Variants in CPED1 observed in about 807,000 individuals in gnomAD.
CPED1 encodes the protein cadherin-like and PC-esterase domain-containing protein 1.
CPED1 carries 114 observed loss-of-function variants against 128.2 expected under a neutral mutation model. The ratio of observed to expected loss-of-function variants is 0.89; its 90% CI spans 0.76 to 1.04. The LOEUF (loss-of-function observed/expected upper bound fraction) is 1.04, where lower values mean the gene tolerates loss of function less well. Ranked by LOEUF, CPED1 falls within the 50% of genes least tolerant of loss-of-function variation. The pLI is 0.00. For synonymous variants in CPED1, 462 were observed against 426.7 expected (o/e 1.08, Z -1.02); for missense variants, 1,211 against 1,207.1 (o/e 1.00, Z -0.05).
intron 5 of CPED1, among the ~76,000 whole-genome samples, chr7:121,069,829 T>A (rs1164587230): frequency 6.6e-6 from 1 of 152,184 alleles, no homozygotes; most frequent in Non-Finnish European, 1.5e-5. Flanking sequence ...AGAACTGTTT[T>A]GCTTGGGCTG....
chr7:121,121,126 G>A (rs1453697701), intron 7 of CPED1, among the ~76,000 whole-genome samples: 1 of 152,072 alleles, frequency 6.6e-6, no homozygotes, highest in Non-Finnish European at 1.5e-5. Flanking sequence ...TAATGAGGCG[G>A]AACCCAGAAC....
At chr7:121,067,958 GTTGT>G (rs1793887462) in intron 5 of CPED1, among the ~76,000 whole-genome samples, 1 of 152,132 alleles carries the variant, frequency 6.6e-6, no homozygotes, top group African/African-American at 2.4e-5. Flanking sequence ...TTTCGATGGG[GTTGT>G]TTGTTTTTTT....
chr7:121,249,989 A>G (rs1466824721), intron 18 of CPED1, among the ~76,000 whole-genome samples: 1 of 152,128 alleles, frequency 6.6e-6, no homozygotes, highest in African/African-American at 2.4e-5. Flanking sequence ...CGTCTACAGA[A>G]CTCTCCACCC....
At chr7:121,225,225 A>G (rs1318930517) in intron 16 of CPED1, among the ~76,000 whole-genome samples, 1 of 152,090 alleles carries the variant, frequency 6.6e-6, no homozygotes, top group African/African-American at 2.4e-5. Context: ...TTTCTCCTTC[A>G]CTTATGAAGC....
chr7:121,266,564 A>G, intron 19 of CPED1, 117 bp downstream of exon 19: 1 of 1,184,848 alleles, frequency 8.4e-7, no homozygotes, highest in East Asian at 2.4e-5. Flanking sequence ...TTAGATACCA[A>G]GTAAGGCAGC....
At chr7:121,239,165 T>A (rs1366250605) in intron 17 of CPED1, among the ~76,000 whole-genome samples, 1 of 152,200 alleles carries the variant, frequency 6.6e-6, no homozygotes, top group African/African-American at 2.4e-5. Flanking sequence ...AAAGTTGATT[T>A]AGGAGCTCTG....
At chr7:121,031,044 C>A (rs542222316) in intron 3 of CPED1, among the ~76,000 whole-genome samples, 17 of 152,302 alleles carry the variant, frequency 1.1e-4, no homozygotes, top group African/African-American at 4.1e-4. Flanking sequence ...ATCATCAAAC[C>A]TGAGCTTTTA....
At chr7:121,159,967 A>G (rs940662254) in intron 16 of CPED1, among the ~76,000 whole-genome samples, 1 of 152,322 alleles carries the variant, frequency 6.6e-6, no homozygotes, top group East Asian at 1.9e-4. Flanking sequence ...GTTAAAATGC[A>G]TGATTACATT....
intron 16 of CPED1, among the ~76,000 whole-genome samples, chr7:121,213,554 A>T (rs993657024): frequency 6.6e-6 from 1 of 151,968 alleles, no homozygotes; most frequent in Non-Finnish European, 1.5e-5. Flanking sequence ...TTAAAGAGCG[A>T]ATGCTTGTAG....
chr7:121,251,382 A>G (rs2116707714), intron 18 of CPED1, among the ~76,000 whole-genome samples: 1 of 152,340 alleles, frequency 6.6e-6, no homozygotes, highest in African/African-American at 2.4e-5. Flanking sequence ...AAAAACTGGA[A>G]GCATTCCCTT....
intron 2 of CPED1, among the ~76,000 whole-genome samples, chr7:121,005,727 A>G (rs141220688): frequency 3.3e-5 from 5 of 152,320 alleles, no homozygotes; most frequent in Admixed American, 3.3e-4. Flanking sequence ...TACTTAAACT[A>G]TGTTAATTTT....
chr7:121,027,736 C>A (rs978333997), intron 3 of CPED1, among the ~76,000 whole-genome samples: 3 of 123,790 alleles, frequency 2.4e-5, no homozygotes, highest in South Asian at 2.8e-4. Flanking sequence ...TTAATTATAA[C>A]CTTTAGTAAT....
chr7:121,028,701 T>C (rs1792658411), intron 3 of CPED1, among the ~76,000 whole-genome samples: 1 of 152,186 alleles, frequency 6.6e-6, no homozygotes, highest in Admixed American at 6.5e-5. Context: ...TTGGCCTAGG[T>C]TGCATTGTCT....
chr7:121,216,282 G>A (rs1171823608), intron 16 of CPED1, among the ~76,000 whole-genome samples: 1 of 151,922 alleles, frequency 6.6e-6, no homozygotes, highest in Admixed American at 6.6e-5. Flanking sequence ...CAAAGTGTCT[G>A]CATGCCTTGT....
At chr7:121,226,813 C>T (rs1584613132) in intron 16 of CPED1, among the ~76,000 whole-genome samples, 1 of 152,010 alleles carries the variant, frequency 6.6e-6, no homozygotes, top group Non-Finnish European at 1.5e-5. Flanking sequence ...CTAATGTAAA[C>T]ATAAGCTAAT....
At chr7:121,205,883 AC>A (rs1797505530) in intron 16 of CPED1, among the ~76,000 whole-genome samples, 1 of 152,070 alleles carries the variant, frequency 6.6e-6, no homozygotes, top group Non-Finnish European at 1.5e-5. Context: ...TTCATTTATT[AC>A]CCTAAACAGG....
At chr7:121,065,573 TTAAG>T (rs1341993558) in intron 5 of CPED1, among the ~76,000 whole-genome samples, 1 of 152,124 alleles carries the variant, frequency 6.6e-6, no homozygotes, top group Non-Finnish European at 1.5e-5. Context: ...ATCCAGAACA[TTAAG>T]TTTCTTCAGC....
In CPED1 at chr7:121,037,023, G is replaced by C. The variant is rs1200100172; in HGVS notation, c.434-9864G>C. ...TCTTGCTGATTTGTTTGAGTTCCTT[G>C]TATTCTGGAAATTAGTACTCTGCTG... On this transcript the variant is annotated intron_variant, in intron 3 of 22. Transcript: ENST00000310396. Among the ~76,000 whole-genome samples, 5 of 151,952 alleles carry C rather than the reference G, an allele frequency of 3.3e-5. No individual in the cohort carries two copies. In the East Asian group the frequency reaches 7.7e-4, roughly 23 times the overall value.
At chr7:120,995,947 TC>T (rs1796393075) in intron 2 of CPED1, among the ~76,000 whole-genome samples, 1 of 42,380 alleles carries the variant, frequency 2.4e-5, no homozygotes, top group African/African-American at 5.3e-5. Flanking sequence ...CTCCTTCTTC[TC>T]CTCCTCCTCC....
Sources: allele counts gnomAD v4.1 joint callset (sites outside exome capture counted in the v4.1 genomes callset), GRCh38; gene constraint gnomAD v4.1.1; transcripts MANE v1.5; gene names NCBI Gene and HGNC (gene_info 2026-07-23, HGNC 2026-07-21).